The following NAALADL2 variants were observed in gnomAD, a reference collection of about 807,000 sequenced individuals.
NAALADL2 encodes inactive N-acetylated-alpha-linked acidic dipeptidase-like protein 2.
NAALADL2 carries 76 observed loss-of-function variants against 87.2 expected under a neutral mutation model. The observed-to-expected ratio is 0.87, with a 90% confidence interval of 0.72 to 1.05. NAALADL2 has a LOEUF of 1.05. Among genes scored for constraint, NAALADL2 ranks in the 50% least tolerant of loss-of-function variants. NAALADL2 has a pLI of 0.00. For missense variants in NAALADL2, 1,089 were observed against 945.8 expected, an observed-to-expected ratio of 1.15 and a Z score of -1.99; for synonymous variants, 354 against 331.0, an observed-to-expected ratio of 1.07 and a Z score of -0.75.
chr3:174,458,992 G>T (rs1032996247), intron 1 of NAALADL2, among the ~76,000 whole-genome samples: 3 of 152,170 alleles, frequency 2.0e-5, no homozygotes, highest in African/African-American at 7.2e-5. Context: ...AGAGAGTAGG[G>T]GGAGGTGAGT....
Position 175,802,287 on chromosome 3 carries a change from A to G in NAALADL2, c.2190-718A>G, listed in dbSNP as rs140745599. Among the ~76,000 whole-genome samples, 19 of 150,856 alleles carry G rather than the reference A, an allele frequency of 1.3e-4. No homozygotes were observed. The East Asian group carries it at 3.0e-3, about 24-fold the overall frequency. Reference sequence around the variant, plus strand: ...TTCTCATATTTTAAACTGTTTAAATACAAGTCTAGTAAGGTCTATGCTTTG... The same window carrying G: ...TTCTCATATTTTAAACTGTTTAAATGCAAGTCTAGTAAGGTCTATGCTTTG... On this transcript the variant is annotated intron_variant, in intron 13 of 13. Coordinates refer to ENST00000454872, the MANE Select transcript of NAALADL2 (RefSeq NM_207015.3).
rs190210526 is a variant in NAALADL2, at chr3:174,580,985, A to G, written c.-115+30348A>G. On this transcript the variant is annotated intron_variant, in intron 2 of 3. Transcript: ENST00000434257. ...AGTATATAAATTCCATTTCCTCCACATTCTCACCAACACTTGTTATGGTTA... is the reference window on the plus strand; with the variant it reads ...AGTATATAAATTCCATTTCCTCCACGTTCTCACCAACACTTGTTATGGTTA... 2.6e-5 allele frequency among the ~76,000 whole-genome samples: 4 copies of G among 152,280 alleles called. No homozygotes were observed. In the East Asian group the frequency reaches 7.7e-4, roughly 29 times the overall value.
chr3:175,146,944 G>T (rs548642555), intron 2 of NAALADL2, among the ~76,000 whole-genome samples: 2 of 152,108 alleles, frequency 1.3e-5, no homozygotes, highest in South Asian at 4.1e-4. Flanking sequence ...TGATGTAAAT[G>T]GCTAAATTTT....
intron 2 of NAALADL2, among the ~76,000 whole-genome samples, chr3:174,604,313 A>G (rs993753713): frequency 6.6e-6 from 1 of 152,162 alleles, no homozygotes; most frequent in Non-Finnish European, 1.5e-5. Flanking sequence ...TTATCATTAT[A>G]TAGTGACCTT....
rs190550594 is a variant in NAALADL2 at position 174,877,161 on chromosome 3, G to C, written c.43+17711G>C. 6.5e-3 allele frequency among the ~76,000 whole-genome samples: 988 copies of C among 151,674 alleles called. 1 individual carries two copies. Among genetic ancestry groups the C allele is most frequent in the Admixed American group, 0.011 (164 of 15,242 alleles). ...CTTAAAATTGCAAAATATGCATTTT[G>C]GGGGGAGACAAACATTCAGTCCATA... On this transcript the variant is annotated intron_variant, in intron 1 of 13. Transcript: ENST00000454872.
chr3:175,223,296 A>G (rs1743669919), intron 2 of NAALADL2, among the ~76,000 whole-genome samples: 4 of 147,812 alleles, frequency 2.7e-5, no homozygotes, highest in African/African-American at 7.5e-5. Flanking sequence ...ATATACCCCT[A>G]CCTCCCGGCA....
intron 9 of NAALADL2, among the ~76,000 whole-genome samples, chr3:175,573,581 C>T (rs1405682607): frequency 6.6e-6 from 1 of 152,186 alleles, no homozygotes; most frequent in Non-Finnish European, 1.5e-5. Flanking sequence ...CAACAAAAAC[C>T]TAGCTAAACA....
chr3:175,277,468 A>C (rs1218882710), intron 4 of NAALADL2, among the ~76,000 whole-genome samples: 1 of 152,178 alleles, frequency 6.6e-6, no homozygotes, highest in African/African-American at 2.4e-5. Context: ...CCAATACGGG[A>C]CAGTGAAGGA....
intron 9 of NAALADL2, among the ~76,000 whole-genome samples, chr3:175,474,097 T>C (rs765845354): frequency 2.0e-5 from 3 of 152,152 alleles, no homozygotes; most frequent in Non-Finnish European, 4.4e-5. Flanking sequence ...TTGGCCATTG[T>C]GGCTGGGGTA....
chr3:175,582,711 G>A (rs551659396), intron 10 of NAALADL2, among the ~76,000 whole-genome samples: 6 of 152,242 alleles, frequency 3.9e-5, no homozygotes, highest in Admixed American at 2.6e-4. Context: ...AATAAAACAT[G>A]CCCCTCTTTC....
chr3:174,759,462 T>G (rs146635998), intron 3 of NAALADL2, among the ~76,000 whole-genome samples: 29 of 152,352 alleles, frequency 1.9e-4, no homozygotes, highest in African/African-American at 6.7e-4. Context: ...GATCTAACGA[T>G]GCTTGTGTTT....
intron 1 of NAALADL2, among the ~76,000 whole-genome samples, chr3:174,997,711 G>T (rs1031113672): frequency 1.3e-5 from 2 of 152,006 alleles, no homozygotes; most frequent in Non-Finnish European, 2.9e-5. Context: ...AGTTACTTAG[G>T]AGGCTGAGGC....
intron 11 of NAALADL2, among the ~76,000 whole-genome samples, chr3:175,679,457 A>G (rs1349918989): frequency 6.6e-6 from 1 of 152,180 alleles, no homozygotes; most frequent in Non-Finnish European, 1.5e-5. Context: ...AATTACAGCA[A>G]TAAAATGTGA....
intron 11 of NAALADL2, among the ~76,000 whole-genome samples, chr3:175,660,328 T>C (rs184631035): frequency 1.1e-3 from 163 of 152,274 alleles, no homozygotes; most frequent in African/African-American, 3.7e-3. Flanking sequence ...AATATTAATG[T>C]TGTAATGACT....
chr3:175,469,425 A>T, intron 8 of NAALADL2, among the ~76,000 whole-genome samples: 1 of 152,064 alleles, frequency 6.6e-6, no homozygotes, highest in East Asian at 1.9e-4. Flanking sequence ...TTGACATGTC[A>T]TATTGCCCCT....
chr3:174,778,442 G>T (rs1481775124), intron 3 of NAALADL2, among the ~76,000 whole-genome samples: 1 of 109,342 alleles, frequency 9.1e-6, no homozygotes, highest in African/African-American at 3.1e-5. Flanking sequence ...ATTTACTAGG[G>T]CTACTCTGCA....
chr3:175,608,148 G>A (rs1724046556), intron 10 of NAALADL2, among the ~76,000 whole-genome samples: 1 of 150,292 alleles, frequency 6.7e-6, no homozygotes, highest in Non-Finnish European at 1.5e-5. Flanking sequence ...TTTCCACTAA[G>A]TGAGAAATTA....
intron 1 of NAALADL2, among the ~76,000 whole-genome samples, chr3:174,860,226 A>G (rs991768720): frequency 1.3e-5 from 2 of 152,166 alleles, no homozygotes; most frequent in Non-Finnish European, 2.9e-5. Flanking sequence ...TCCTAAAAAT[A>G]TATCACCTAT....
chr3:174,832,892 A>G (rs543740912), intron 3 of NAALADL2, among the ~76,000 whole-genome samples: 7 of 152,318 alleles, frequency 4.6e-5, no homozygotes, highest in Middle Eastern at 3.4e-3. Flanking sequence ...GTCCAACAAA[A>G]AAGATGTCGT....
Sources: allele counts gnomAD v4.1 joint callset (sites outside exome capture counted in the v4.1 genomes callset), GRCh38; gene constraint gnomAD v4.1.1; transcripts MANE v1.5; gene names NCBI Gene and HGNC (gene_info 2026-07-23, HGNC 2026-07-21).